Variants in OLFML3 observed in about 807,000 individuals in gnomAD.
OLFML3 encodes olfactomedin like 3.
Under a neutral mutation model 36.0 loss-of-function variants are expected in OLFML3, and 26 were observed. That is an observed-to-expected ratio of 0.72 (90% CI 0.53 to 1.00). The LOEUF is 1.00. Among genes scored for constraint, OLFML3 ranks in the 50% least tolerant of loss-of-function variants. The pLI is 0.00. For missense variants in OLFML3, 503 were observed against 519.4 expected, an observed-to-expected ratio of 0.97 and a Z score of 0.31; for synonymous variants, 184 against 201.2, an observed-to-expected ratio of 0.91 and a Z score of 0.72.
At position 113,980,589 on chromosome 1, in the gene OLFML3, A is replaced by G. The variant is rs747547508; in HGVS notation, c.372A>G (p.Arg124=). The part of the protein sequence containing the change: ...TGGPGTKGKG[R]RNEKYDMVTD... The stretch of plus-strand genomic sequence containing the variant: ...GCCCTGGGACCAAAGGCAAGGGAAG[A>G]AGGAATGAGAAGTACGATATGGTGA... The change falls in exon 2 of 3, where the codon AGA becomes AGG. Residue 124 remains arginine (R), a synonymous_variant. Transcript: ENST00000320334. 9 of 1,607,598 alleles carry G rather than the reference A, an allele frequency of 5.6e-6. No individual in the cohort carries two copies. Among genetic ancestry groups the G allele is most frequent in the Admixed American group, 1.7e-5 (1 of 58,710 alleles).
At chr1:113,979,858 A>G in intron 1 of OLFML3, 1 of 1,147,778 alleles carries the variant, frequency 8.7e-7, no homozygotes, top group Admixed American at 2.9e-5. Context: ...TAGATAGAAT[A>G]AGGGGGCAGA....
intron 1 of OLFML3, chr1:113,979,863 G>A: frequency 8.6e-7 from 1 of 1,169,456 alleles, no homozygotes; most frequent in South Asian, 1.8e-5. Context: ...AGAATAAGGG[G>A]GCAGAGTGGA....
chr1:113,979,844 G>T (rs901369610), intron 1 of OLFML3: 1 of 1,081,994 alleles, frequency 9.2e-7, no homozygotes, highest in African/African-American at 1.6e-5. Context: ...TTTACCTCTG[G>T]GATTAGATAG....
Position 113,982,098 on chromosome 1 carries a change from T to A in OLFML3, c.*329T>A. On this transcript the variant is annotated 3_prime_UTR_variant, in exon 3 of 3. Coordinates refer to ENST00000320334, the MANE Select transcript of OLFML3 (RefSeq NM_020190.5). ...AGGCCCAGGGAGCAGGCAGCAGTGTTCTTCCCCTCAGAGTGACTTGGGGAG... is the reference window on the plus strand; with the variant it reads ...AGGCCCAGGGAGCAGGCAGCAGTGTACTTCCCCTCAGAGTGACTTGGGGAG... The A allele has an allele frequency of 5.5e-6, 2 of 366,114 alleles. No homozygotes were observed. Among genetic ancestry groups the A allele is most frequent in the South Asian group, 5.0e-5 (2 of 39,846 alleles). 22.7% of individuals were successfully genotyped at this position (366,114 alleles called of 1,614,324 possible).
rs752170023 is a variant in OLFML3, at chr1:113,981,515, G to A, written c.967G>A (p.Ala323Thr). The A allele has an allele frequency of 6.2e-7, 1 of 1,614,096 alleles. No homozygotes were observed. The change falls in exon 3 of 3, where the codon GCT (alanine) becomes ACT (threonine). Residue 323 changes from alanine to threonine, a missense_variant. Ala to Thr is a moderately conservative substitution (Grantham distance 58). Transcript: ENST00000320334. Reference sequence around the variant, plus strand: ...ACCATGTCCCAGAGAGAATGCTGAGGCTGCCTTTGTCATCTGTGGGACCCT... The same window carrying A: ...ACCATGTCCCAGAGAGAATGCTGAGACTGCCTTTGTCATCTGTGGGACCCT... ...DTPCPRENAE[A>T]AFVICGTLYV...
chr1:113,981,576 C>T lies in OLFML3; in HGVS notation c.1028C>T (p.Ala343Val), dbSNP rs1428811904. The T allele has an allele frequency of 1.2e-6, 2 of 1,614,112 alleles. No individual in the cohort carries two copies. The highest frequency in any genetic ancestry group is 1.3e-5 in the African/African-American group (1 of 75,010). Reference sequence around the variant, plus strand: ...TATAACACCCGTCCTGCCAGTCGGGCCCGCATCCAGTGCTCCTTTGATGCC... The same window carrying T: ...TATAACACCCGTCCTGCCAGTCGGGTCCGCATCCAGTGCTCCTTTGATGCC... Reference protein sequence around the residue: ...VVYNTRPASRARIQCSFDASG... With the variant: ...VVYNTRPASRVRIQCSFDASG... Residue 343 changes from alanine (A) to valine (V), a missense_variant, in exon 3 of 3, where the codon GCC becomes GTC. By Grantham distance (64) the Ala-to-Val change is moderately conservative (BLOSUM62 0). Coordinates refer to ENST00000320334, the MANE Select transcript of OLFML3 (RefSeq NM_020190.5).
At chr1:113,980,139 G>C (rs776320526) in intron 1 of OLFML3, 193 bp from the exon 2 acceptor site, 2 of 1,547,128 alleles carry the variant, frequency 1.3e-6, no homozygotes, top group South Asian at 2.4e-5. Context: ...AGGGGCCTAG[G>C]TGAATCTCAG....
chr1:113,979,680 A>G (rs1318327376), intron 1 of OLFML3, 50 bp downstream of exon 1: 11 of 1,345,450 alleles, frequency 8.2e-6, no homozygotes, highest in Non-Finnish European at 1.1e-5. Flanking sequence ...TTCCAGGGCT[A>G]TTGGTTCAAC....
At position 113,980,015 on chromosome 1, in the gene OLFML3, C is replaced by T. The variant is rs72691854; in HGVS notation, c.115-317C>T. 8.0e-4 allele frequency: 1,204 copies of T among 1,495,748 alleles called. 2 individuals carry two copies. Among genetic ancestry groups the T allele is most frequent in the Non-Finnish European group, 1.0e-3 (1,134 of 1,120,066 alleles). The allele number at this position is 1,495,748 out of a possible 1,614,324, so 92.7% of individuals were successfully genotyped here. A position where few individuals can be genotyped will look rare whatever the true frequency, so the allele number is the denominator to read the frequency against. On this transcript the variant is annotated intron_variant, in intron 1 of 2. Coordinates refer to ENST00000320334, the MANE Select transcript of OLFML3 (RefSeq NM_020190.5). Reference sequence around the variant, plus strand: ...ATTTTAGTGTCCGAGAGGATAATTGCTAAGGGAGCAGAGACCTCTTCACAC... The same window carrying T: ...ATTTTAGTGTCCGAGAGGATAATTGTTAAGGGAGCAGAGACCTCTTCACAC...
rs1349499998 is a variant in OLFML3, at chr1:113,981,261, C to A, written c.713C>A (p.Thr238Asn). Residue 238 changes from threonine to asparagine, a missense_variant, in exon 3 of 3, where the codon ACT (threonine) becomes AAT (asparagine). By Grantham distance (65) the Thr-to-Asn change is moderately conservative (BLOSUM62 0). Coordinates refer to ENST00000320334, the MANE Select transcript of OLFML3 (RefSeq NM_020190.5). The part of the protein sequence containing the change: ...RPGGGGEMEN[T>N]LQLIKFHLAN... ...GGTGGAGGTGGTGAGATGGAGAACA[C>A]TTTGCAGCTAATCAAATTCCACCTG... 6.2e-7 allele frequency: 1 copy of A among 1,610,850 alleles called. No individual in the cohort carries two copies. The highest frequency in any genetic ancestry group is 8.5e-7 in the Non-Finnish European group (1 of 1,178,350).
rs147910096 is a variant in OLFML3 at position 113,981,693 on chromosome 1, G to T, written c.1145G>T (p.Arg382Leu). Residue 382 changes from arginine (R) to leucine (L), a missense_variant, in exon 3 of 3, where the codon CGC (arginine) becomes CTC (leucine). Transcript: ENST00000320334. ...AGCCTCCGCTATAACCCCCGAGAAC[G>T]CCAGCTCTATGCCTGGGATGATGGC... ...HASLRYNPRE[R>L]QLYAWDDGYQ... 28 of 1,613,826 alleles carry T rather than the reference G, an allele frequency of 1.7e-5. No individual in the cohort carries two copies. The highest frequency in any genetic ancestry group is 2.2e-5 in the Non-Finnish European group (26 of 1,180,002).
intron 2 of OLFML3, 113 bp from the exon 3 acceptor site, chr1:113,980,836 G>A: frequency 9.2e-6 from 10 of 1,083,316 alleles, no homozygotes; most frequent in Non-Finnish European, 1.2e-5. Context: ...TAAGATTGGA[G>A]GCAACCACTG....
Position 113,981,134 on chromosome 1 carries a change from C to T in OLFML3, c.586C>T (p.Arg196Trp), listed in dbSNP as rs182238458. ...LRDFTLAMAA[R>W]KASRVRVPFP... Reference sequence around the variant, plus strand: ...TGACTTCACCCTTGCCATGGCTGCCCGGAAAGCTTCCCGAGTCCGGGTGCC... The same window carrying T: ...TGACTTCACCCTTGCCATGGCTGCCTGGAAAGCTTCCCGAGTCCGGGTGCC... The change falls in exon 3 of 3, where the codon CGG becomes TGG. Residue 196 changes from arginine to tryptophan, a missense_variant. Transcript: ENST00000320334. 15 of 1,614,166 alleles carry T rather than the reference C, an allele frequency of 9.3e-6. No individual in the cohort carries two copies. Among genetic ancestry groups the T allele is most frequent in the South Asian group, 2.2e-5 (2 of 91,070 alleles).
intron 1 of OLFML3, chr1:113,980,005 A>G: frequency 6.7e-7 from 1 of 1,482,610 alleles, no homozygotes; most frequent in Admixed American, 2.5e-5. Context: ...AGTGTCCGAG[A>G]GGATAATTGC....
At position 113,982,183 on chromosome 1, in the gene OLFML3, C is replaced by T. The variant is rs1336708052; in HGVS notation, c.*414C>T. 1 of 229,010 alleles carries T rather than the reference C, an allele frequency of 4.4e-6. No individual in the cohort carries two copies. Among genetic ancestry groups the T allele is most frequent in the Non-Finnish European group, 8.6e-6 (1 of 115,992 alleles). The allele number at this position is 229,010 out of a possible 1,614,324, so 14.2% of individuals were successfully genotyped here. A position where few individuals can be genotyped will look rare whatever the true frequency, so the allele number is the denominator to read the frequency against. ...TCTTCCTCACTCCTCCCTTCAGTGT[C>T]CTGAGGAACAGGACTTTCTCCACAT... is the stretch of plus-strand genomic sequence containing the variant. On this transcript the variant is annotated 3_prime_UTR_variant, in exon 3 of 3. Transcript: ENST00000320334.
intron 2 of OLFML3, 155 bp downstream of exon 2, chr1:113,980,772 G>A (rs760534366): frequency 1.9e-4 from 201 of 1,051,212 alleles, no homozygotes; most frequent in Non-Finnish European, 2.5e-4. Flanking sequence ...GTCTATTAAG[G>A]AGAGGTTCTG....
chr1:113,981,036 TG>T lies in OLFML3; in HGVS notation c.492del (p.Gln165LysfsTer8). The T allele has an allele frequency of 6.3e-7, 1 of 1,595,272 alleles. No individual in the cohort carries two copies. The highest frequency in any genetic ancestry group is 8.6e-7 in the Non-Finnish European group (1 of 1,169,564). On this transcript the variant is annotated frameshift_variant, in exon 3 of 3. Transcript: ENST00000320334. LOFTEE classifies it high-confidence loss of function. ...GPAGLWTKDP[L>X]GQTEKIYVLD... The stretch of plus-strand genomic sequence containing the variant: ...GCTGGTCTATGGACCAAGGATCCAC[TG>T]GGGCAAACAGAGAAGATCTACGTGT...
rs765979542 is a variant in OLFML3, at chr1:113,979,563, C to G, written c.47C>G (p.Ser16Trp). 6.2e-7 allele frequency: 1 copy of G among 1,614,076 alleles called. No individual in the cohort carries two copies. The highest frequency in any genetic ancestry group is 1.1e-5 in the South Asian group (1 of 91,072). The change falls in exon 1 of 3, where the codon TCG becomes TGG. Residue 16 changes from serine (S) to tryptophan (W), a missense_variant. Physicochemically the swap from Ser to Trp is radical, Grantham distance 177. Coordinates refer to ENST00000320334, the MANE Select transcript of OLFML3 (RefSeq NM_020190.5). The stretch of plus-strand genomic sequence containing the variant: ...CTCATCTTGTTCCTTTTGTCATGGT[C>G]GGGACCCCTCCAAGGACAGCAGCAC... Reference protein sequence around the residue: ...PLLILFLLSWSGPLQGQQHHL... With the variant: ...PLLILFLLSWWGPLQGQQHHL...
chr1:113,980,133 G>T (rs1417740009), intron 1 of OLFML3, 199 bp from the exon 2 acceptor site: 2 of 1,547,434 alleles, frequency 1.3e-6, no homozygotes, highest in Admixed American at 4.0e-5. Flanking sequence ...CGGGGTAGGG[G>T]CCTAGGTGAA....
Sources: allele counts gnomAD v4.1 joint callset, GRCh38; gene constraint gnomAD v4.1.1; transcripts MANE v1.5; gene names NCBI Gene and HGNC (gene_info 2026-07-23, HGNC 2026-07-21).